Variants in SPOCK1 observed in about 807,000 individuals in gnomAD.
SPOCK1 encodes the protein testican-1.
SPOCK1 carries 23 observed loss-of-function variants against 55.3 expected under a neutral mutation model. The ratio of observed to expected loss-of-function variants is 0.42; its 90% confidence interval spans 0.30 to 0.59. The LOEUF (loss-of-function observed/expected upper bound fraction) is 0.59. SPOCK1 is among the 20% of genes least tolerant of loss of function. SPOCK1 has a pLI of 0.22. For missense variants in SPOCK1, 499 were observed against 552.5 expected (o/e 0.90, Z 0.97); for synonymous variants, 226 against 221.0 (o/e 1.02, Z -0.20).
At chr5:137,453,816 G>A (rs1753309667) in intron 2 of SPOCK1, among the ~76,000 whole-genome samples, 1 of 152,158 alleles carries the variant, frequency 6.6e-6, no homozygotes, top group African/African-American at 2.4e-5. Context: ...GCCCTGTTCT[G>A]TGGGGGTACA....
intron 3 of SPOCK1, among the ~76,000 whole-genome samples, chr5:137,197,966 T>C (rs531069854): frequency 6.6e-6 from 1 of 152,210 alleles, no homozygotes; most frequent in Non-Finnish European, 1.5e-5. Context: ...AAAGTCAGAA[T>C]TGTACAAAAA....
chr5:137,142,343 C>G (rs1403700867), intron 3 of SPOCK1, among the ~76,000 whole-genome samples: 2 of 152,194 alleles, frequency 1.3e-5, no homozygotes, highest in Non-Finnish European at 2.9e-5. Context: ...AATCTGCACA[C>G]TACTTTCTTC....
chr5:137,409,360 C>T (rs894827288), intron 2 of SPOCK1, among the ~76,000 whole-genome samples: 14 of 152,184 alleles, frequency 9.2e-5, no homozygotes, highest in African/African-American at 3.4e-4. Flanking sequence ...GATCCATAGG[C>T]AGCATGCAGG....
intron 2 of SPOCK1, among the ~76,000 whole-genome samples, chr5:137,319,720 T>C (rs921540256): frequency 1.3e-5 from 2 of 148,980 alleles, no homozygotes; most frequent in East Asian, 4.0e-4. Context: ...CCGAGGCGGG[T>C]GGATCATGAG....
intron 2 of SPOCK1, among the ~76,000 whole-genome samples, chr5:137,317,887 A>G (rs1561502889): frequency 1.3e-5 from 2 of 152,148 alleles, no homozygotes; most frequent in Admixed American, 6.5e-5. Flanking sequence ...TTCCCCCCTC[A>G]ATTCATATTT....
chr5:137,167,568 G>T (rs1370347270), intron 3 of SPOCK1, among the ~76,000 whole-genome samples: 1 of 151,752 alleles, frequency 6.6e-6, no homozygotes, highest in East Asian at 1.9e-4. Flanking sequence ...TTTTTGTTAG[G>T]TCACAAAACA....
intron 4 of SPOCK1, among the ~76,000 whole-genome samples, chr5:137,138,706 C>CT (rs1432749367): frequency 6.7e-6 from 1 of 150,124 alleles, no homozygotes; most frequent in African/African-American, 2.4e-5. Flanking sequence ...TAATAACCCC[C>CT]CCCCCCCAAA....
chr5:137,391,931 C>G (rs1469800700), intron 2 of SPOCK1, among the ~76,000 whole-genome samples: 1 of 152,130 alleles, frequency 6.6e-6, no homozygotes, highest in Non-Finnish European at 1.5e-5. Context: ...CTCCAGGTAG[C>G]TATGCAACCT....
At chr5:137,477,264 T>C (rs1753855205) in intron 2 of SPOCK1, among the ~76,000 whole-genome samples, 1 of 152,232 alleles carries the variant, frequency 6.6e-6, no homozygotes, top group Non-Finnish European at 1.5e-5. Context: ...TATAAATGTA[T>C]AAAGCAATAT....
chr5:137,210,374 T>C (rs1208982297), intron 3 of SPOCK1, among the ~76,000 whole-genome samples: 1 of 152,190 alleles, frequency 6.6e-6, no homozygotes, highest in Non-Finnish European at 1.5e-5. Context: ...ACATTATTTA[T>C]CTAGGGAACC....
intron 4 of SPOCK1, among the ~76,000 whole-genome samples, chr5:137,113,663 A>G (rs979038678): frequency 3.9e-5 from 6 of 152,218 alleles, no homozygotes; most frequent in Non-Finnish European, 5.9e-5. Flanking sequence ...ATGTATCTGA[A>G]GTACTCAGCA....
intron 6 of SPOCK1, among the ~76,000 whole-genome samples, chr5:137,064,373 A>G (rs1324573961): frequency 2.6e-5 from 4 of 152,088 alleles, no homozygotes; most frequent in Non-Finnish European, 5.9e-5. Flanking sequence ...GTGTGTGTGT[A>G]TGTGTGCGTG....
At chr5:137,424,086 A>G (rs1452456205) in intron 2 of SPOCK1, among the ~76,000 whole-genome samples, 1 of 152,190 alleles carries the variant, frequency 6.6e-6, no homozygotes, top group Non-Finnish European at 1.5e-5. Context: ...CTTTGTAAAA[A>G]CAAACAAAAT....
intron 3 of SPOCK1, among the ~76,000 whole-genome samples, chr5:137,251,093 T>G (rs778410395): frequency 2.6e-5 from 4 of 152,140 alleles, no homozygotes; most frequent in Non-Finnish European, 5.9e-5. Context: ...CCAAAGTCTC[T>G]AATGCAGCAG....
intron 3 of SPOCK1, among the ~76,000 whole-genome samples, chr5:137,175,478 T>C (rs912597861): frequency 1.3e-5 from 2 of 152,226 alleles, no homozygotes; most frequent in African/African-American, 2.4e-5. Context: ...CTAATACATG[T>C]TGGTTATGAT....
At chr5:137,442,282 G>T (rs1461225583) in intron 2 of SPOCK1, among the ~76,000 whole-genome samples, 6 of 152,130 alleles carry the variant, frequency 3.9e-5, no homozygotes, top group Non-Finnish European at 8.8e-5. Context: ...GGGGACGGGG[G>T]AGCGGGGGGA....
intron 5 of SPOCK1, among the ~76,000 whole-genome samples, chr5:137,091,002 A>T (rs987035096): frequency 1.3e-5 from 2 of 152,184 alleles, no homozygotes; most frequent in African/African-American, 4.8e-5. Context: ...AAGGTAGCAC[A>T]AGAGAAATGA....
chr5:137,195,390 C>T (rs1001960487), intron 3 of SPOCK1, among the ~76,000 whole-genome samples: 1 of 152,172 alleles, frequency 6.6e-6, no homozygotes, highest in African/African-American at 2.4e-5. Context: ...TAGACATTTA[C>T]GAAGATAATT....
intron 3 of SPOCK1, among the ~76,000 whole-genome samples, chr5:137,199,236 C>T (rs909624339): frequency 1.3e-5 from 2 of 152,186 alleles, no homozygotes; most frequent in Non-Finnish European, 2.9e-5. Flanking sequence ...CCAGCCCACA[C>T]GTTGACACAA....
Sources: allele counts gnomAD v4.1 joint callset (sites outside exome capture counted in the v4.1 genomes callset), GRCh38; gene constraint gnomAD v4.1.1; transcripts MANE v1.5; gene names NCBI Gene and HGNC (gene_info 2026-07-23, HGNC 2026-07-21).